Variants in MAGIX observed in about 807,000 individuals in gnomAD.
MAGIX encodes PDZ domain-containing protein MAGIX.
In MAGIX, 13 loss-of-function variants were observed where a neutral mutation model predicts 10.0. That is an observed-to-expected ratio of 1.30 (90% confidence interval 0.84 to 2.06). The LOEUF (loss-of-function observed/expected upper bound fraction) is 2.06. Ranked by LOEUF, MAGIX falls within the 30% of genes most tolerant of loss-of-function variation. The pLI, the probability that MAGIX is intolerant of heterozygous loss-of-function variation, is 0.00. For synonymous variants in MAGIX, 108 were observed against 106.8 expected (o/e 1.01, Z -0.07); for missense variants, 235 against 245.2 (o/e 0.96, Z 0.28).
At position 49,163,771 on chromosome X, in the gene MAGIX, T is replaced by C; in HGVS notation, c.-201-12T>C. 1 of 1,043,876 alleles carries C rather than the reference T, an allele frequency of 9.6e-7. No individual in the cohort carries two copies. The highest frequency in any genetic ancestry group is 1.2e-6 in the Non-Finnish European group (1 of 818,395). The allele number at this position is 1,043,876 out of a possible 1,213,427, so 86.0% of individuals were successfully genotyped here. ...CGAGGGTCGGCGTTGACCTGTCCCC[T>C]CTTGCGCGCAGGCCGCGGCCCCTCC... On this transcript the variant is annotated splice_polypyrimidine_tract_variant and intron_variant, in intron 1 of 4. Transcript: ENST00000616266.
chrX:49,163,157 G>T (rs2065340819), intron 1 of MAGIX: 2 of 277,041 alleles, frequency 7.2e-6, no homozygotes, highest in African/African-American at 5.9e-5. Flanking sequence ...CCAGAGCAGG[G>T]GAGGGGCTCT....
rs371513821 is a variant in MAGIX, at chrX:49,164,634, C to T, written c.-54-73C>T. On this transcript the variant is annotated intron_variant, in intron 2 of 4. Transcript: ENST00000616266. ...CAAGTAGATGAGGCTAGAATGTTAA[C>T]TCAGGGAACAGGTCCTAGGTAGTTT... The T allele has an allele frequency of 5.3e-6, 5 of 938,283 alleles. No individual in the cohort carries two copies. The African/African-American group carries it at 7.7e-5, about 15-fold the overall frequency. 77.3% of individuals were successfully genotyped at this position (938,283 alleles called of 1,213,427 possible).
chrX:49,168,647 C>T (rs1453293881), downstream of MAGIX, among the ~76,000 whole-genome samples: 1 of 105,394 alleles, frequency 9.5e-6, no homozygotes, highest in Admixed American at 1.0e-4. Context: ...AGTGGTGGCT[C>T]ATGCCTGTAG....
rs782621434 is a variant in MAGIX at position 49,165,184 on chromosome X, C to T, written c.331-6C>T. 5 of 1,195,674 alleles carry T rather than the reference C, an allele frequency of 4.2e-6. No homozygotes were observed. On this transcript the variant is annotated splice_region_variant and splice_polypyrimidine_tract_variant and intron_variant, in intron 3 of 4. Transcript: ENST00000616266. ...TTTCCAACACGACTGCATTGCACTC[C>T]TCCAGGTCGGGGACCTCGTGCTCCA...
chrX:49,163,784 CCGCGGCCCCTCCCCGCT>C (rs781981569), exon 2 of MAGIX: 1 of 1,046,901 alleles, frequency 9.6e-7, no homozygotes, highest in South Asian at 2.6e-5. Context: ...TGCGCGCAGG[CCGCGGCCCCTCCCCGCT>C]CGCGGGCCCT....
chrX:49,167,375 G>C (rs1463042101), exon 5 of MAGIX: 1 of 113,543 alleles, frequency 8.8e-6, no homozygotes, highest in African/African-American at 3.2e-5. Context: ...CGGGGTAGCC[G>C]CGAGGAAGGC....
chrX:49,165,571 C>G, intron 4 of MAGIX: 4 of 373,354 alleles, frequency 1.1e-5, no homozygotes, highest in Non-Finnish European at 1.4e-5. Flanking sequence ...GTGTCAGTCT[C>G]GAGGATAGGA....
chrX:49,165,988 T>TC, intron 4 of MAGIX, 86 bp from the exon 6 acceptor site: 1 of 947,479 alleles, frequency 1.1e-6, no homozygotes, highest in Middle Eastern at 2.7e-4. Context: ...GGGTCTCATC[T>TC]CCCGCAGCCT....
exon 5 of MAGIX, chrX:49,166,506 T>TC (rs782237545): frequency 5.8e-4 from 379 of 651,392 alleles, no homozygotes; most frequent in Middle Eastern, 1.6e-3. Flanking sequence ...CTTGGTTTGG[T>TC]CCCCCCACCC....
At chrX:49,162,974 G>C (rs1402494988) in intron 1 of MAGIX, 36 bp downstream of exon 1, 5 of 492,575 alleles carry the variant, frequency 1.0e-5, no homozygotes, top group Non-Finnish European at 1.5e-5. Context: ...AGGACAGGGC[G>C]AGTCGCCGCC....
rs782394182 is a variant in MAGIX at position 49,165,328 on chromosome X, C to G, written c.469C>G (p.Pro157Ala). ...GCCTCTGGAGACCCACCCTGGCAAG[C>G]CTCGAGGGGTGGGAGAGCCCCGAAA... The change falls in exon 4 of 5, where the codon CCT (proline) becomes GCT (alanine). Residue 157 changes from proline (P) to alanine (A), a missense_variant. Coordinates refer to ENST00000616266, the Ensembl canonical transcript of MAGIX. 163 of 1,176,518 alleles carry G rather than the reference C, an allele frequency of 1.4e-4. No individual in the cohort carries two copies. The highest frequency in any genetic ancestry group is 1.7e-4 in the Non-Finnish European group (147 of 877,950).
At position 49,164,598 on chromosome X, in the gene MAGIX, C is replaced by CA. The variant is rs1290667403; in HGVS notation, c.-54-108dup. 4 of 669,570 alleles carry CA rather than the reference C, an allele frequency of 6.0e-6. No homozygotes were observed. In the African/African-American group the frequency reaches 8.6e-5, roughly 14 times the overall value. The allele number at this position is 669,570 out of a possible 1,213,427, so 55.2% of individuals were successfully genotyped here. A position where few individuals can be genotyped will look rare whatever the true frequency, so the allele number is the denominator to read the frequency against. ...GGTGGGCCAGTTTGTATATGAGCTGCAGGGGCAAGACAAGTAGATGAGGCT... is the reference window on the plus strand; with the variant it reads ...GGTGGGCCAGTTTGTATATGAGCTGCAAGGGGCAAGACAAGTAGATGAGGCT... On this transcript the variant is annotated intron_variant, in intron 2 of 4. Transcript: ENST00000616266.
chrX:49,166,474 G>A, exon 5 of MAGIX: 1 of 892,541 alleles, frequency 1.1e-6, no homozygotes, highest in Non-Finnish European at 1.5e-6. Context: ...CTGGGCACTT[G>A]GCACCTCCCC....
intron 2 of MAGIX, chrX:49,164,144 T>A: frequency 3.2e-6 from 1 of 311,162 alleles, no homozygotes; most frequent in Admixed American, 5.7e-5. Flanking sequence ...GAGGGCTAGA[T>A]TAGATGAGAG....
At chrX:49,163,889 A>T (rs781973283) in exon 2 of MAGIX, 2 of 1,031,291 alleles carry the variant, frequency 1.9e-6, no homozygotes, top group East Asian at 4.1e-5. Context: ...CAGCGCTGGT[A>T]CGCAGGGCGG....
At chrX:49,163,052 G>A (rs1332517655) in intron 1 of MAGIX, 114 bp downstream of exon 1, 2 of 319,115 alleles carry the variant, frequency 6.3e-6, no homozygotes, top group African/African-American at 2.7e-5. Flanking sequence ...CGGCTCTGGC[G>A]CCCAAGTGAA....
exon 5 of MAGIX, chrX:49,168,373 G>T (rs1418614950): frequency 3.8e-5 from 4 of 104,680 alleles, no homozygotes; most frequent in Non-Finnish European, 7.8e-5. Context: ...GGAGGCTGAG[G>T]CAGAGAATTG....
chrX:49,164,010 C>T (rs1413937681), intron 2 of MAGIX, 81 bp downstream of exon 2: 112 of 918,891 alleles, frequency 1.2e-4, no homozygotes, highest in Non-Finnish European at 1.4e-4. Context: ...GGGGGGTCAG[C>T]AGCTACTGCC....
chrX:49,162,960 G>C (rs1557096590), intron 1 of MAGIX, 22 bp downstream of exon 1: 1 of 576,029 alleles, frequency 1.7e-6, no homozygotes, highest in Non-Finnish European at 2.5e-6. Flanking sequence ...GGGGTCGTTG[G>C]GGAAGGACAG....
Sources: allele counts gnomAD v4.1 joint callset (sites outside exome capture counted in the v4.1 genomes callset), GRCh38; gene constraint gnomAD v4.1.1; transcripts MANE v1.5; gene names NCBI Gene and HGNC (gene_info 2026-07-23, HGNC 2026-07-21).